The following DHCR7 variants were observed in gnomAD, a reference collection of about 807,000 sequenced individuals.
DHCR7 encodes the protein 7-DHC reductase.
In DHCR7, 40 loss-of-function variants were observed where a neutral mutation model predicts 43.3. The ratio of observed to expected loss-of-function variants is 0.92; its 90% CI spans 0.72 to 1.20. DHCR7 has a LOEUF of 1.20. Among genes scored for constraint, DHCR7 ranks in the 50% most tolerant of loss-of-function variants. The pLI, the probability that DHCR7 is intolerant of heterozygous loss-of-function variation, is 0.00. For synonymous variants in DHCR7, 298 were observed against 271.4 expected (o/e 1.10, Z -0.96); for missense variants, 608 against 644.6 (o/e 0.94, Z 0.62).
intron 2 of DHCR7, among the ~76,000 whole-genome samples, chr11:71,445,663 A>G (rs1246690135): frequency 1.3e-5 from 2 of 152,174 alleles, no homozygotes; most frequent in Admixed American, 6.5e-5. Flanking sequence ...ACCATCAATA[A>G]TCACCCTTCA....
intron 2 of DHCR7, among the ~76,000 whole-genome samples, chr11:71,445,613 T>C (rs1447825269): frequency 6.6e-6 from 1 of 152,230 alleles, no homozygotes; most frequent in Non-Finnish European, 1.5e-5. Context: ...GTCCTCTTCA[T>C]TGTTCTACTA....
chr11:71,447,068 C>G (rs1949412616), intron 2 of DHCR7, among the ~76,000 whole-genome samples: 1 of 152,226 alleles, frequency 6.6e-6, no homozygotes, highest in South Asian at 2.1e-4. Context: ...GCCCCCACTC[C>G]CTCCGATCCC....
In DHCR7 at chr11:71,441,311, A is replaced by G. The variant is rs1286409393; in HGVS notation, c.542T>C (p.Leu181Pro). The G allele has an allele frequency of 1.2e-6, 2 of 1,614,234 alleles. No individual in the cohort carries two copies. Reference protein sequence around the residue: ...TIIFDNWIPLLWCANILGYAV... With the variant: ...TIIFDNWIPLPWCANILGYAV... ...ATAGCCAAGGATGTTGGCGCACCAC[A>G]GCAGTGGGATCCAGTTGTCGAAGAT... Residue 181 changes from leucine (L) to proline (P), a missense_variant, in exon 6 of 9, where the codon CTG becomes CCG. By Grantham distance (98) the Leu-to-Pro change is moderately conservative. Transcript: ENST00000355527.
chr11:71,442,437 A>C, intron 4 of DHCR7, 84 bp from the exon 5 acceptor site: 2 of 985,276 alleles, frequency 2.0e-6, no homozygotes, highest in Non-Finnish European at 3.2e-6. Flanking sequence ...GAGAATCACA[A>C]TCATAGTCTT....
At chr11:71,442,238 G>C (rs749178600) in intron 5 of DHCR7, 25 bp downstream of exon 5, 3 of 1,566,560 alleles carry the variant, frequency 1.9e-6, no homozygotes, top group Non-Finnish European at 2.6e-6. Context: ...CGGGAGCCTG[G>C]GGAGGGTGGA....
Position 71,441,409 on chromosome 11 carries a change from C to T in DHCR7, c.444G>A (p.Leu148=). The T allele has an allele frequency of 1.2e-6, 2 of 1,613,938 alleles. No individual in the cohort carries two copies. Among genetic ancestry groups the T allele is most frequent in the South Asian group, 1.1e-5 (1 of 91,064 alleles). The change falls in exon 6 of 9, where the codon CTG becomes CTA. Residue 148 remains leucine, a synonymous_variant. Coordinates refer to ENST00000355527, the MANE Select transcript of DHCR7 (RefSeq NM_001360.3). ...GVVNKYQING[L]QAWLLTHLLW... ...GCAGGTGCGTGAGGAGCCAGGCTTG[C>T]AGGCCATTGATCTGATACTTGTTCA...
At position 71,438,984 on chromosome 11, in the gene DHCR7, G is replaced by A. The variant is rs1289838516; in HGVS notation, c.726C>T (p.Arg242=). The change falls in exon 7 of 9, where the codon CGC becomes CGT. Residue 242 remains arginine (R), a synonymous_variant. Transcript: ENST00000355527. The part of the protein sequence containing the change: ...WFDFKLFFNG[R]PGIVAWTLIN... ...TGAGGGTCCAGGCGACGATCCCGGG[G>A]CGCCCATTGAAGAACAGCTTGAAGT... 1 of 1,614,100 alleles carries A rather than the reference G, an allele frequency of 6.2e-7. No homozygotes were observed. Among genetic ancestry groups the A allele is most frequent in the Non-Finnish European group, 8.5e-7 (1 of 1,180,048 alleles).
At chr11:71,431,592 T>C (rs1949227877), downstream of DHCR7, among the ~76,000 whole-genome samples, 1 of 152,140 alleles carries the variant, frequency 6.6e-6, no homozygotes, top group Admixed American at 6.5e-5. Flanking sequence ...TCCTCCTCCT[T>C]GGCCTGCTTA....
chr11:71,446,797 T>C (rs1022401816), intron 2 of DHCR7, among the ~76,000 whole-genome samples: 2 of 152,262 alleles, frequency 1.3e-5, no homozygotes, highest in East Asian at 1.9e-4. Flanking sequence ...GAGTTCTTGA[T>C]AGGAAGAGAC....
intron 8 of DHCR7, chr11:71,436,049 G>C: frequency 1.7e-6 from 1 of 600,308 alleles, no homozygotes; most frequent in East Asian, 2.8e-5. Flanking sequence ...CTACCTGTCT[G>C]TGTGTGTATG....
chr11:71,440,911 AAG>A, intron 6 of DHCR7, among the ~76,000 whole-genome samples: 1 of 152,268 alleles, frequency 6.6e-6, no homozygotes, highest in Non-Finnish European at 1.5e-5. Context: ...TATCCAAAGA[AAG>A]AGGCAATGGG....
At chr11:71,445,045 G>T in intron 2 of DHCR7, 87 bp from the exon 3 acceptor site, 1 of 1,144,280 alleles carries the variant, frequency 8.7e-7, no homozygotes, top group Non-Finnish European at 1.3e-6. Flanking sequence ...TCCTGGGCCT[G>T]GCAGGGCTGG....
In DHCR7 at chr11:71,441,442, T is replaced by C. The variant is rs775575609; in HGVS notation, c.413-2A>G. 14 of 1,609,902 alleles carry C rather than the reference T, an allele frequency of 8.7e-6. No individual in the cohort carries two copies. Among genetic ancestry groups the C allele is most frequent in the Non-Finnish European group, 1.0e-5 (12 of 1,177,458 alleles). The stretch of plus-strand genomic sequence containing the variant: ...TGATCTGATACTTGTTCACAACCCC[T>C]GCAGATGAAGGATTCAGAAATGAAG... On this transcript the variant is annotated splice_acceptor_variant, in intron 5 of 8. Coordinates refer to ENST00000355527, the MANE Select transcript of DHCR7 (RefSeq NM_001360.3). LOFTEE classifies it high-confidence loss of function.
At chr11:71,436,179 G>C (rs990701953) in intron 8 of DHCR7, among the ~76,000 whole-genome samples, 6 of 152,116 alleles carry the variant, frequency 3.9e-5, no homozygotes, top group African/African-American at 1.4e-4. Context: ...TGTCCACTTG[G>C]CCAGGCCATT....
downstream of DHCR7, among the ~76,000 whole-genome samples, chr11:71,427,451 ACTT>A (rs1042939774): frequency 3.3e-5 from 5 of 152,186 alleles, no homozygotes; most frequent in African/African-American, 1.2e-4. Flanking sequence ...TGATATGTTT[ACTT>A]TTTTGCAAGA....
chr11:71,441,012 T>A lies in DHCR7; in HGVS notation c.626+215A>T, dbSNP rs138288522. On this transcript the variant is annotated intron_variant, in intron 6 of 8. Transcript: ENST00000355527. ...AATGACTTGGCCACCACAGCTGACC[T>A]GGCCATCTTCAGCTGCATTCTTGCC... 8.3e-4 allele frequency among the ~76,000 whole-genome samples: 127 copies of A among 152,292 alleles called. 2 individuals carry two copies. In the East Asian group the frequency reaches 0.021, roughly 25 times the overall value.
chr11:71,435,553 G>A lies in DHCR7; in HGVS notation c.1250C>T (p.Ala417Val), dbSNP rs894897580. The A allele has an allele frequency of 6.2e-6, 10 of 1,610,772 alleles. No individual in the cohort carries two copies. In the African/African-American group the frequency reaches 1.2e-4, roughly 19 times the overall value. ...NYVGDLMGSL[A>V]YCLACGGGHL... ...GCCGCCGCCACAGGCCAGGCAGTAG[G>A]CCAGGCTGCCCATCAGGTCGCCGAC... The change falls in exon 9 of 9, where the codon GCC (alanine) becomes GTC (valine). Residue 417 changes from alanine (A) to valine (V), a missense_variant. Ala to Val is a moderately conservative substitution (Grantham distance 64). Transcript: ENST00000355527.
chr11:71,429,154 T>C (rs1013621325), intron 2 of DHCR7, among the ~76,000 whole-genome samples: 75 of 152,196 alleles, frequency 4.9e-4, no homozygotes, highest in Non-Finnish European at 1.3e-4. Context: ...CATCAGTAGT[T>C]CTAACTGGGC....
chr11:71,438,872 C>CA lies in DHCR7; in HGVS notation c.831+6dup. The CA allele has an allele frequency of 6.2e-7, 1 of 1,613,612 alleles. No homozygotes were observed. The highest frequency in any genetic ancestry group is 1.1e-5 in the South Asian group (1 of 91,082). ...GGCGTTTCACCCTCTCCAGCCATGA[C>CA]AGGCACCTGCAGGACGTTGACCAGG... On this transcript the variant is annotated splice_region_variant and intron_variant, in intron 7 of 8. Transcript: ENST00000355527.
Sources: allele counts gnomAD v4.1 joint callset (sites outside exome capture counted in the v4.1 genomes callset), GRCh38; gene constraint gnomAD v4.1.1; transcripts MANE v1.5; gene names NCBI Gene and HGNC (gene_info 2026-07-23, HGNC 2026-07-21).